Variants in VSTM2B observed in about 807,000 individuals in gnomAD.
The protein encoded by VSTM2B is V-set and transmembrane domain-containing protein 2B.
A neutral mutation model predicts 24.0 loss-of-function variants in VSTM2B; 24 were observed. That is an observed-to-expected ratio of 1.00 (90% confidence interval 0.72 to 1.40). The LOEUF is 1.40. Ranked by LOEUF, VSTM2B falls within the 40% of genes most tolerant of loss-of-function variation. VSTM2B has a pLI of 0.00. For synonymous variants in VSTM2B, 226 were observed against 194.4 expected (o/e 1.16, Z -1.35); for missense variants, 399 against 416.4 (o/e 0.96, Z 0.36).
At chr19:29,552,563 C>G (rs1374704787) in intron 4 of VSTM2B, among the ~76,000 whole-genome samples, 1 of 152,190 alleles carries the variant, frequency 6.6e-6, no homozygotes, top group Non-Finnish European at 1.5e-5. Context: ...ATCTGTGAAA[C>G]CTGTGGGTCA....
intron 4 of VSTM2B, among the ~76,000 whole-genome samples, chr19:29,543,193 C>T (rs1970065228): frequency 6.6e-6 from 1 of 152,174 alleles, no homozygotes; most frequent in Non-Finnish European, 1.5e-5. Context: ...AGATAAATAA[C>T]TCTATTTACA....
At chr19:29,554,557 G>A (rs1006368779) in intron 4 of VSTM2B, among the ~76,000 whole-genome samples, 1 of 152,066 alleles carries the variant, frequency 6.6e-6, no homozygotes, top group South Asian at 2.1e-4. Context: ...AGGATCAAAT[G>A]CACACATAAC....
chr19:29,529,924 G>C lies in VSTM2B; in HGVS notation c.403G>C (p.Asp135His). 6.5e-7 allele frequency: 1 copy of C among 1,550,144 alleles called. No individual in the cohort carries two copies. The highest frequency in any genetic ancestry group is 1.2e-5 in the South Asian group (1 of 84,024). ...YECRVSDYSDDDTQEHKAQAM... is the reference protein window; with the variant it reads ...YECRVSDYSDHDTQEHKAQAM... ...GTGCCGCGTGTCGGACTACAGCGAC[G>C]ACGACACGCAGGAGCACAAGGCCCA... Residue 135 changes from aspartate (D) to histidine (H), a missense_variant, in exon 4 of 5, where the codon GAC becomes CAC. Physicochemically the swap from Asp to His is moderately conservative, Grantham distance 81. Transcript: ENST00000335523.
chr19:29,535,762 G>T (rs761316375), intron 4 of VSTM2B, among the ~76,000 whole-genome samples: 10 of 152,082 alleles, frequency 6.6e-5, no homozygotes, highest in African/African-American at 1.2e-4. Context: ...GGAGAATCGC[G>T]ATGCAGCAGA....
Position 29,530,028 on chromosome 19 carries a change from C to A in VSTM2B, c.507C>A (p.Ser169Arg), listed in dbSNP as rs1187292102. 6.5e-7 allele frequency: 1 copy of A among 1,529,962 alleles called. No homozygotes were observed. Among genetic ancestry groups the A allele is most frequent in the Non-Finnish European group, 8.7e-7 (1 of 1,143,340 alleles). The allele number at this position is 1,529,962 out of a possible 1,614,324, so 94.8% of individuals were successfully genotyped here. Reference sequence around the variant, plus strand: ...AGGCCGTGTCCCACATCCAGAGCAGCGGCCCGCGTCGCCACGGCCCAGCCA... The same window carrying A: ...AGGCCGTGTCCCACATCCAGAGCAGAGGCCCGCGTCGCCACGGCCCAGCCA... ...AAEAVSHIQS[S>R]GPRRHGPASA... Residue 169 changes from serine (S) to arginine (R), a missense_variant, in exon 4 of 5, where the codon AGC becomes AGA. Transcript: ENST00000335523.
chr19:29,544,034 G>A (rs1180743681), intron 4 of VSTM2B, among the ~76,000 whole-genome samples: 1 of 151,866 alleles, frequency 6.6e-6, no homozygotes, highest in East Asian at 1.9e-4. Context: ...GTTCCATGAA[G>A]CCATTAGTTG....
chr19:29,526,477 A>C lies in VSTM2B; in HGVS notation c.-107A>C. ...AGGGGAGGGGGCGCCGCGCGGGGCCATGGCAGGCTCGGAGGCGTCCTAGCC... is the reference window on the plus strand; with the variant it reads ...AGGGGAGGGGGCGCCGCGCGGGGCCCTGGCAGGCTCGGAGGCGTCCTAGCC... On this transcript the variant is annotated 5_prime_UTR_variant, in exon 1 of 5. It removes an upstream start codon present in the reference 5' UTR. Coordinates refer to ENST00000335523, the MANE Select transcript of VSTM2B (RefSeq NM_001146339.2). The surrounding 1 kb of genome is among the most constrained non-coding windows in gnomAD (Gnocchi z 4.1). 2 of 673,840 alleles carry C rather than the reference A, an allele frequency of 3.0e-6. No individual in the cohort carries two copies. The highest frequency in any genetic ancestry group is 4.1e-6 in the Non-Finnish European group (2 of 492,028). 41.7% of individuals were successfully genotyped at this position (673,840 alleles called of 1,614,324 possible). A position where few individuals can be genotyped will look rare whatever the true frequency, so the allele number is the denominator to read the frequency against.
At chr19:29,528,526 C>G (rs2145458122) in intron 3 of VSTM2B, 64 bp downstream of exon 3, 54 of 1,543,686 alleles carry the variant, frequency 3.5e-5, no homozygotes, top group Non-Finnish European at 4.5e-5. Flanking sequence ...TCCCGCAGCT[C>G]CCTCCCTTAG....
chr19:29,537,352 C>A (rs998828936), intron 4 of VSTM2B, among the ~76,000 whole-genome samples: 2 of 152,124 alleles, frequency 1.3e-5, no homozygotes, highest in South Asian at 4.1e-4. Flanking sequence ...AAACAGCCAG[C>A]GGTGGAGGTG....
At chr19:29,552,243 G>A (rs1970300954) in intron 4 of VSTM2B, among the ~76,000 whole-genome samples, 1 of 152,204 alleles carries the variant, frequency 6.6e-6, no homozygotes, top group African/African-American at 2.4e-5. Context: ...ATTCATTTGG[G>A]AAACCTAGAT....
chr19:29,562,362 G>T (rs1414326143), intron 4 of VSTM2B, among the ~76,000 whole-genome samples: 1 of 152,226 alleles, frequency 6.6e-6, no homozygotes, highest in African/African-American at 2.4e-5. Flanking sequence ...GCCCAGCCTT[G>T]TCAGGGAAGC....
rs1440807158 is a variant in VSTM2B, at chr19:29,526,705, G to A, written c.82+40G>A. The A allele has an allele frequency of 1.3e-6, 2 of 1,485,734 alleles. No homozygotes were observed. The highest frequency in any genetic ancestry group is 2.9e-5 in the African/African-American group (2 of 69,756). The allele number at this position is 1,485,734 out of a possible 1,614,324, so 92.0% of individuals were successfully genotyped here. A position where few individuals can be genotyped will look rare whatever the true frequency, so the allele number is the denominator to read the frequency against. Reference sequence around the variant, plus strand: ...TTTGCTGCCGCTGTGGACTCGGGGGGGTCTTTGCTGGGGCCGCCACCGAGA... The same window carrying A: ...TTTGCTGCCGCTGTGGACTCGGGGGAGTCTTTGCTGGGGCCGCCACCGAGA... On this transcript the variant is annotated intron_variant, in intron 1 of 4. Transcript: ENST00000335523. This position sits in a 1 kb window ranked among gnomAD's most constrained non-coding sequence, Gnocchi z 4.1.
Position 29,563,955 on chromosome 19 carries a change from A to G in VSTM2B, c.*21A>G. On this transcript the variant is annotated 3_prime_UTR_variant, in exon 5 of 5. Transcript: ENST00000335523. ...ATTGACAGACAAGACCAACCCGAGC[A>G]TCTCAGAGGCCGCACATGACCTGCC... 4.5e-6 allele frequency: 7 copies of G among 1,551,100 alleles called. No individual in the cohort carries two copies. Among genetic ancestry groups the G allele is most frequent in the Non-Finnish European group, 6.1e-6 (7 of 1,146,030 alleles).
rs185075864 is a variant in VSTM2B at position 29,563,950 on chromosome 19, C to G, written c.*16C>G. On this transcript the variant is annotated 3_prime_UTR_variant, in exon 5 of 5. Transcript: ENST00000335523. ...GGGACATTGACAGACAAGACCAACC[C>G]GAGCATCTCAGAGGCCGCACATGAC... 182 of 1,551,586 alleles carry G rather than the reference C, an allele frequency of 1.2e-4. 1 individual carries two copies. In the African/African-American group the frequency reaches 2.4e-3, roughly 20 times the overall value.
intron 4 of VSTM2B, among the ~76,000 whole-genome samples, chr19:29,543,978 A>G (rs1308616156): frequency 6.6e-6 from 1 of 152,126 alleles, no homozygotes; most frequent in Non-Finnish European, 1.5e-5. Context: ...GCCCCACCCC[A>G]ACTTCAACCA....
At chr19:29,557,699 CAAA>C (rs201120442) in intron 4 of VSTM2B, among the ~76,000 whole-genome samples, 2 of 98,482 alleles carry the variant, frequency 2.0e-5, no homozygotes, top group Admixed American at 1.1e-4. Flanking sequence ...AACTCCATCT[CAAA>C]AAAAAAAAAA....
rs140786920 is a variant in VSTM2B at position 29,543,744 on chromosome 19, G to A, written c.769+13454G>A. Among the ~76,000 whole-genome samples, 116 of 152,298 alleles carry A rather than the reference G, an allele frequency of 7.6e-4. 2 individuals carry two copies. Among genetic ancestry groups the A allele is most frequent in the African/African-American group, 2.6e-3 (110 of 41,560 alleles). On this transcript the variant is annotated intron_variant, in intron 4 of 4. Transcript: ENST00000335523. ...GGGAAGATTGTAGCATGGAGGTGAG[G>A]TACCCCCAGACAACTGGGGTTTAAA...
chr19:29,526,158 G>C lies in VSTM2B; in HGVS notation c.-426G>C, dbSNP rs1456808962. ...GCGGGAGCCGAAGGAGGTGGCAATCGGGAGCAGAACCAGAAGGAGACAGGG... is the reference window on the plus strand; with the variant it reads ...GCGGGAGCCGAAGGAGGTGGCAATCCGGAGCAGAACCAGAAGGAGACAGGG... On this transcript the variant is annotated 5_prime_UTR_variant, in exon 1 of 5. Coordinates refer to ENST00000335523, the MANE Select transcript of VSTM2B (RefSeq NM_001146339.2). The surrounding 1 kb of genome is among the most constrained non-coding windows in gnomAD (Gnocchi z 4.1). Among the ~76,000 whole-genome samples, 3 of 152,068 alleles carry C rather than the reference G, an allele frequency of 2.0e-5. No homozygotes were observed. Among genetic ancestry groups the C allele is most frequent in the Admixed American group, 1.3e-4 (2 of 15,282 alleles).
chr19:29,561,325 T>G (rs970228802), intron 4 of VSTM2B, among the ~76,000 whole-genome samples: 1 of 150,190 alleles, frequency 6.7e-6, no homozygotes, highest in African/African-American at 2.5e-5. Context: ...AAAATAAAAA[T>G]AAAAAAAATT....
Sources: allele counts gnomAD v4.1 joint callset (sites outside exome capture counted in the v4.1 genomes callset), GRCh38; gene constraint gnomAD v4.1.1; non-coding constraint Gnocchi (gnomAD v3.1); transcripts MANE v1.5; gene names NCBI Gene and HGNC (gene_info 2026-07-23, HGNC 2026-07-21).